SYNE2: variants seen among roughly 807,000 people sequenced by gnomAD.
SYNE2 encodes nesprin-2.
In SYNE2, 431 loss-of-function variants were observed where a neutral mutation model predicts 856.3. The ratio of observed to expected loss-of-function variants is 0.50; its 90% CI spans 0.47 to 0.55. The LOEUF (loss-of-function observed/expected upper bound fraction) is 0.55, where lower values mean the gene tolerates loss of function less well. Ranked by LOEUF, SYNE2 falls within the 20% of genes least tolerant of loss-of-function variation. The probability of loss-of-function intolerance (pLI) is 0.00; values close to 1 mark genes in which losing one functional copy is unlikely to be tolerated. For synonymous variants in SYNE2, 2,923 were observed against 2,872.3 expected (o/e 1.02, Z -0.56); for missense variants, 8,129 against 8,023.2 (o/e 1.01, Z -0.50).
At chr14:63,854,713 G>C (rs1434716677) in intron 1 of SYNE2, among the ~76,000 whole-genome samples, 2 of 152,154 alleles carry the variant, frequency 1.3e-5, no homozygotes, top group Non-Finnish European at 2.9e-5. Context: ...AAAATTGTTT[G>C]AAAAATCATG....
chr14:64,018,764 C>A (rs1013754406), intron 34 of SYNE2, among the ~76,000 whole-genome samples: 3 of 152,146 alleles, frequency 2.0e-5, no homozygotes, highest in Admixed American at 6.5e-5. Flanking sequence ...TTTTAGACGG[C>A]CTTCTTCATA....
At chr14:63,978,708 A>C in intron 13 of SYNE2, 144 bp from the exon 14 acceptor site, 2 of 653,888 alleles carry the variant, frequency 3.1e-6, no homozygotes, top group Non-Finnish European at 5.1e-6. Flanking sequence ...CAATGTTTAA[A>C]AAAGAAAAAG....
rs754225556 is a variant in SYNE2 at position 63,995,136 on chromosome 14, G to A, written c.2874G>A (p.Lys958=). 3 of 1,604,208 alleles carry A rather than the reference G, an allele frequency of 1.9e-6. No individual in the cohort carries two copies. The South Asian group carries it at 3.4e-5, about 18-fold the overall frequency. ...KLSDNILKLE[K]QINKEKKLIR... ...GTGACAATATTTTAAAACTTGAAAA[G>A]CAAATAAATAAAGAAAAGAAACTTA... The change falls in exon 23 of 116, where the codon AAG becomes AAA. Residue 958 remains lysine, a synonymous_variant. Coordinates refer to ENST00000555002, the MANE Select transcript of SYNE2 (RefSeq NM_182914.3).
At chr14:63,954,000 A>G (rs1415402510) in intron 7 of SYNE2, among the ~76,000 whole-genome samples, 2 of 152,112 alleles carry the variant, frequency 1.3e-5, no homozygotes, top group Non-Finnish European at 2.9e-5. Flanking sequence ...TGCAGCTTCA[A>G]TCTCCCATTG....
chr14:64,072,112 T>A (rs948165975), intron 52 of SYNE2, among the ~76,000 whole-genome samples: 1 of 152,254 alleles, frequency 6.6e-6, no homozygotes, highest in African/African-American at 2.4e-5. Context: ...AAATTACTTT[T>A]TTTTAATTTT....
At chr14:64,104,324 TC>T (rs1173711508) in intron 64 of SYNE2, among the ~76,000 whole-genome samples, 3 of 152,232 alleles carry the variant, frequency 2.0e-5, no homozygotes, top group Non-Finnish European at 4.4e-5. Context: ...TTAATTCTGT[TC>T]TTCCCTGTCC....
At chr14:64,024,156 G>A in intron 38 of SYNE2, 101 bp from the exon 39 acceptor site, 1 of 914,854 alleles carries the variant, frequency 1.1e-6, no homozygotes, top group Non-Finnish European at 1.8e-6. Flanking sequence ...TCTTAAGAAG[G>A]TGGTATGTCT....
At position 63,991,949 on chromosome 14, in the gene SYNE2, T is replaced by C. The variant is rs796868362; in HGVS notation, c.2646+834T>C. ...CTCATCACGGCCTCTGTCTGTCTTCTGGGCCTCAACCCTGTTTTGGCCTAC... is the reference window on the plus strand; with the variant it reads ...CTCATCACGGCCTCTGTCTGTCTTCCGGGCCTCAACCCTGTTTTGGCCTAC... On this transcript the variant is annotated intron_variant, in intron 21 of 115. Transcript: ENST00000555002. Among the ~76,000 whole-genome samples, 15 of 151,726 alleles carry C rather than the reference T, an allele frequency of 9.9e-5. 1 individual carries two copies. The highest frequency in any genetic ancestry group is 3.6e-4 in the African/African-American group (15 of 41,272).
chr14:64,010,560 T>C (rs2096836124), intron 32 of SYNE2, among the ~76,000 whole-genome samples: 1 of 152,188 alleles, frequency 6.6e-6, no homozygotes, highest in Non-Finnish European at 1.5e-5. Context: ...CTTTGCTCCA[T>C]CTATGTTTAT....
At chr14:63,863,413 A>G (rs200591376) in intron 1 of SYNE2, among the ~76,000 whole-genome samples, 1 of 152,198 alleles carries the variant, frequency 6.6e-6, no homozygotes, top group East Asian at 1.9e-4. Context: ...AGCTGATTGT[A>G]TCACTTATGA....
chr14:64,174,067 A>ATT, intron 94 of SYNE2: 3 of 536,902 alleles, frequency 5.6e-6, no homozygotes, highest in Non-Finnish European at 9.8e-6. Flanking sequence ...TTGTCTCTTA[A>ATT]ATTTTTTTTT....
intron 27 of SYNE2, 121 bp from the exon 28 acceptor site, chr14:64,000,441 C>T (rs555267117): frequency 1.2e-4 from 114 of 931,290 alleles, no homozygotes; most frequent in Non-Finnish European, 1.8e-4. Context: ...TTTTTAAACA[C>T]ATTTACATAT....
intron 1 of SYNE2, among the ~76,000 whole-genome samples, chr14:63,801,199 C>G (rs867723669): frequency 6.6e-6 from 1 of 151,982 alleles, no homozygotes; most frequent in Non-Finnish European, 1.5e-5. Flanking sequence ...ACACAGAGAG[C>G]AGAAAGGGTT....
In SYNE2 at chr14:64,137,831, A is replaced by T; in HGVS notation, c.14691A>T (p.Gln4897His). 5 of 1,614,228 alleles carry T rather than the reference A, an allele frequency of 3.1e-6. No individual in the cohort carries two copies. Among genetic ancestry groups the T allele is most frequent in the Non-Finnish European group, 4.2e-6 (5 of 1,180,042 alleles). Reference sequence around the variant, plus strand: ...GTGGAAAACACGCCCGGCTTTACCAAACTCTGAACGAAGGCAAACAGTTGG... The same window carrying T: ...GTGGAAAACACGCCCGGCTTTACCATACTCTGAACGAAGGCAAACAGTTGG... The part of the protein sequence containing the change: ...NIGGKHARLY[Q>H]TLNEGKQLVA... Residue 4897 changes from glutamine to histidine, a missense_variant, in exon 79 of 116, where the codon CAA becomes CAT. Coordinates refer to ENST00000555002, the MANE Select transcript of SYNE2 (RefSeq NM_182914.3).
chr14:63,990,645 G>T, intron 20 of SYNE2, 76 bp downstream of exon 20: 2 of 1,278,522 alleles, frequency 1.6e-6, no homozygotes, highest in Non-Finnish European at 2.3e-6. Flanking sequence ...AGTGAAGGGG[G>T]GTGATAGCCC....
chr14:63,907,579 TATC>T (rs1008405631), intron 1 of SYNE2, among the ~76,000 whole-genome samples: 89 of 152,268 alleles, frequency 5.8e-4, no homozygotes, highest in Admixed American at 1.6e-3. Context: ...ATATTGCTAT[TATC>T]CTTTTTTTTT....
chr14:63,793,341 A>G (rs1887800166), intron 1 of SYNE2, among the ~76,000 whole-genome samples: 1 of 152,234 alleles, frequency 6.6e-6, no homozygotes, highest in Non-Finnish European at 1.5e-5. Context: ...CTGACCTCCA[A>G]TAATTGATTA....
At chr14:64,207,116 T>C (rs751530072) in intron 100 of SYNE2, among the ~76,000 whole-genome samples, 20 of 152,156 alleles carry the variant, frequency 1.3e-4, no homozygotes, top group Admixed American at 8.5e-4. Flanking sequence ...GGTGGCCAAG[T>C]GGAAAACACA....
At chr14:63,814,027 C>T (rs1888723455) in intron 1 of SYNE2, among the ~76,000 whole-genome samples, 1 of 152,004 alleles carries the variant, frequency 6.6e-6, no homozygotes, top group African/African-American at 2.4e-5. Flanking sequence ...CACTGCACTC[C>T]AGCCTGGGCA....
Sources: allele counts gnomAD v4.1 joint callset (sites outside exome capture counted in the v4.1 genomes callset), GRCh38; gene constraint gnomAD v4.1.1; transcripts MANE v1.5; gene names NCBI Gene and HGNC (gene_info 2026-07-23, HGNC 2026-07-21).